FBRS: variants seen among roughly 807,000 people sequenced by gnomAD.
FBRS encodes probable fibrosin-1.
FBRS carries 15 observed loss-of-function variants against 86.1 expected under a neutral mutation model. The ratio of observed to expected loss-of-function variants is 0.17; its 90% CI spans 0.12 to 0.27. The LOEUF (loss-of-function observed/expected upper bound fraction) is 0.27, where lower values mean the gene tolerates loss of function less well. FBRS is among the 10% of genes least tolerant of loss of function. FBRS has a pLI of 1.00. For missense variants in FBRS, 1,367 were observed against 1,301.6 expected (o/e 1.05, Z -0.77); for synonymous variants, 666 against 575.8 (o/e 1.16, Z -2.24).
At chr16:30,660,490 C>T (rs1177146633) in intron 2 of FBRS, 48 bp downstream of exon 2, 11 of 1,255,764 alleles carry the variant, frequency 8.8e-6, no homozygotes, top group Non-Finnish European at 1.1e-5. Flanking sequence ...TTTCCCACAG[C>T]CCCGTTTTTC....
chr16:30,665,323 T>C lies in FBRS; in HGVS notation c.1626T>C (p.Pro542=). 2 of 1,563,282 alleles carry C rather than the reference T, an allele frequency of 1.3e-6. No individual in the cohort carries two copies. The highest frequency in any genetic ancestry group is 1.7e-6 in the Non-Finnish European group (2 of 1,154,752). The change falls in exon 10 of 18, where the codon CCT becomes CCC. Residue 542 remains proline, a synonymous_variant. Transcript: ENST00000356166. This position sits in a 1 kb window ranked among gnomAD's most constrained non-coding sequence, Gnocchi z 4.1. ...LFRHNPYTAF[P]PAVPGLPPGL... ...CTCCACAGCCGTACACGGCCTTCCCTCCCGCAGTGCCCGGGCTGCCTCCGG... is the reference window on the plus strand; with the variant it reads ...CTCCACAGCCGTACACGGCCTTCCCCCCCGCAGTGCCCGGGCTGCCTCCGG...
Position 30,668,384 on chromosome 16 carries a change from A to G in FBRS, c.2075-176A>G. The G allele has an allele frequency of 1.3e-5, 8 of 605,820 alleles. No homozygotes were observed. The South Asian group carries it at 1.7e-4, about 13-fold the overall frequency. The allele number at this position is 605,820 out of a possible 1,614,324, so 37.5% of individuals were successfully genotyped here. ...CTTGGGCTTTTTGTGAGGTTAACCGACAGGGTGCTTGTCAAAGCTCAACAC... is the reference window on the plus strand; with the variant it reads ...CTTGGGCTTTTTGTGAGGTTAACCGGCAGGGTGCTTGTCAAAGCTCAACAC... On this transcript the variant is annotated intron_variant, in intron 15 of 17. Coordinates refer to ENST00000356166, the MANE Select transcript of FBRS (RefSeq NM_001105079.3).
Position 30,659,605 on chromosome 16 carries a change from AGACCGG to A in FBRS, c.90_95del (p.Asp30_Arg31del). 2.7e-6 allele frequency: 1 copy of A among 373,718 alleles called. No homozygotes were observed. The allele number at this position is 373,718 out of a possible 1,614,324, so 23.2% of individuals were successfully genotyped here. Reference sequence around the variant, plus strand: ...GGCGGCGCTGCTCGCGCCGAGACCGAGACCGGGAGCAGCGGCGCCGCCGAGGTCCAG... The same window carrying A: ...GGCGGCGCTGCTCGCGCCGAGACCGAGAGCAGCGGCGCCGCCGAGGTCCAG... On this transcript the variant is annotated inframe_deletion, in exon 1 of 18. Coordinates refer to ENST00000356166, the MANE Select transcript of FBRS (RefSeq NM_001105079.3).
chr16:30,668,423 G>C (rs1464778452), intron 15 of FBRS, 137 bp from the exon 16 acceptor site: 1 of 729,130 alleles, frequency 1.4e-6, no homozygotes, highest in East Asian at 2.5e-5. Flanking sequence ...CCTGGCCCAA[G>C]GAAGTGCTCA....
chr16:30,663,021 C>A, intron 6 of FBRS, 162 bp downstream of exon 6: 1 of 1,214,954 alleles, frequency 8.2e-7, no homozygotes, highest in Non-Finnish European at 1.0e-6. Context: ...TTATTTGAGT[C>A]CGTTACACAT....
chr16:30,660,069 T>C, intron 1 of FBRS, 92 bp downstream of exon 1: 1 of 1,475,540 alleles, frequency 6.8e-7, no homozygotes, highest in Non-Finnish European at 9.0e-7. Flanking sequence ...GAGGGGGGAA[T>C]GCTGGCACCC....
intron 6 of FBRS, 115 bp from the exon 7 acceptor site, chr16:30,664,100 C>A: frequency 1.6e-6 from 2 of 1,220,368 alleles, no homozygotes; most frequent in Non-Finnish European, 2.1e-6. Flanking sequence ...GGGCTGGGTT[C>A]TGCCACCTCC....
chr16:30,666,043 G>C (rs777147401), intron 11 of FBRS: 2 of 403,374 alleles, frequency 5.0e-6, no homozygotes, highest in Non-Finnish European at 8.9e-6. Flanking sequence ...CCTTGGTGAA[G>C]TGAGGAGAGC....
Position 30,669,077 on chromosome 16 carries a change from C to T in FBRS, c.2375C>T (p.Pro792Leu), listed in dbSNP as rs1484794515. 16 of 1,601,168 alleles carry T rather than the reference C, an allele frequency of 1.0e-5. No homozygotes were observed. The highest frequency in any genetic ancestry group is 2.7e-5 in the African/African-American group (2 of 74,476). Residue 792 changes from proline (P) to leucine (L), a missense_variant, in exon 18 of 18, where the codon CCC becomes CTC. Pro to Leu is a moderately conservative substitution (Grantham distance 98). Coordinates refer to ENST00000356166, the MANE Select transcript of FBRS (RefSeq NM_001105079.3). This position sits in a 1 kb window ranked among gnomAD's most constrained non-coding sequence, Gnocchi z 5.9. Reference sequence around the variant, plus strand: ...CCACGCCTGCCCTCCAGGGACCTCCCCTTCTCACGGCCCCAGCTCCGAGTT... The same window carrying T: ...CCACGCCTGCCCTCCAGGGACCTCCTCTTCTCACGGCCCCAGCTCCGAGTT... Reference protein sequence around the residue: ...ITKEEKDRDLPFSRPQLRVSP... With the variant: ...ITKEEKDRDLLFSRPQLRVSP...
chr16:30,668,747 A>G (rs769820389), intron 16 of FBRS, 25 bp from the exon 17 acceptor site: 22 of 1,589,580 alleles, frequency 1.4e-5, no homozygotes, highest in Non-Finnish European at 1.7e-5. Flanking sequence ...GGCCCCTGTC[A>G]CTCTCTGCTT....
At chr16:30,668,270 T>A (rs1567547481) in intron 15 of FBRS, 1 of 421,584 alleles carries the variant, frequency 2.4e-6, no homozygotes, top group East Asian at 3.7e-5. Context: ...TTGGTACCGC[T>A]CCCTGGCTAG....
intron 15 of FBRS, chr16:30,668,359 C>T (rs1019025209): frequency 5.3e-6 from 3 of 570,114 alleles, no homozygotes; most frequent in Non-Finnish European, 9.5e-6. Context: ...CTAACCACCT[C>T]TTGGGCTTTT....
intron 8 of FBRS, 45 bp downstream of exon 8, chr16:30,664,965 G>A: frequency 1.2e-6 from 2 of 1,609,334 alleles, no homozygotes; most frequent in Non-Finnish European, 8.5e-7. Context: ...AGGCCTCTGG[G>A]GAGGGCATGG....
At position 30,664,399 on chromosome 16, in the gene FBRS, C is replaced by CG; in HGVS notation, c.1240_1241insG (p.Pro414ArgfsTer36). 5.2e-5 allele frequency: 42 copies of CG among 813,226 alleles called. No individual in the cohort carries two copies. The highest frequency in any genetic ancestry group is 6.2e-5 in the Non-Finnish European group (33 of 535,922). 50.4% of individuals were successfully genotyped at this position (813,226 alleles called of 1,614,324 possible). On this transcript the variant is annotated frameshift_variant, in exon 7 of 18. Transcript: ENST00000356166. LOFTEE classifies it high-confidence loss of function. ...CAGCTTTCCCCCTCCCGGGCTGCGG[C>CG]CCCCCCCACCACCCCACCACCCCTC...
At chr16:30,660,033 G>A (rs1277175637) in intron 1 of FBRS, 56 bp downstream of exon 1, 8 of 1,531,854 alleles carry the variant, frequency 5.2e-6, no homozygotes, top group Middle Eastern at 3.7e-4. Context: ...AGCAAGGAGG[G>A]GGCAGTGCCC....
chr16:30,669,195 T>TGCCGCCGCC lies in FBRS; in HGVS notation c.2496_2504dup (p.Ala847_Ala849dup). 1 of 1,545,694 alleles carries TGCCGCCGCC rather than the reference T, an allele frequency of 6.5e-7. No individual in the cohort carries two copies. The highest frequency in any genetic ancestry group is 1.2e-5 in the South Asian group (1 of 84,010). The stretch of plus-strand genomic sequence containing the variant: ...TAAAGGAAGAGCGGAAGGAGGAGGC[T>TGCCGCCGCC]GCCGCCGCCGCTGCCGCTGCTGCTG... On this transcript the variant is annotated inframe_insertion, in exon 18 of 18. Transcript: ENST00000356166. This position sits in a 1 kb window ranked among gnomAD's most constrained non-coding sequence, Gnocchi z 5.9.
In FBRS at chr16:30,665,866, C is replaced by A; in HGVS notation, c.1773+160C>A. ...GGAATTTCTGTAAATAGCTGGCTTT[C>A]CCAGGCATGAGGAATGAGAGTTTCA... On this transcript the variant is annotated intron_variant, in intron 11 of 17. Coordinates refer to ENST00000356166, the MANE Select transcript of FBRS (RefSeq NM_001105079.3). This position sits in a 1 kb window ranked among gnomAD's most constrained non-coding sequence, Gnocchi z 4.1. 1.6e-6 allele frequency: 1 copy of A among 632,908 alleles called. No homozygotes were observed. The highest frequency in any genetic ancestry group is 2.7e-6 in the Non-Finnish European group (1 of 369,116). The allele number at this position is 632,908 out of a possible 1,614,324, so 39.2% of individuals were successfully genotyped here. A position where few individuals can be genotyped will look rare whatever the true frequency, so the allele number is the denominator to read the frequency against.
At chr16:30,666,588 T>G in intron 12 of FBRS, 47 bp downstream of exon 12, 1 of 1,613,696 alleles carries the variant, frequency 6.2e-7, no homozygotes, top group Non-Finnish European at 8.5e-7. Flanking sequence ...GGGGCTGGTG[T>G]TAGCATGTTT....
At chr16:30,667,273 C>A in intron 13 of FBRS, 47 bp from the exon 14 acceptor site, 1 of 1,404,610 alleles carries the variant, frequency 7.1e-7, no homozygotes, top group Non-Finnish European at 9.7e-7. Context: ...AAGAGGGGGA[C>A]CAGACTGGCT....
Sources: gnomAD v4.1 joint callset for allele counts on GRCh38, gnomAD v4.1.1 for gene constraint, Gnocchi (gnomAD v3.1) non-coding constraint, MANE v1.5 for transcripts, NCBI Gene and HGNC (gene_info 2026-07-23, HGNC 2026-07-21) for gene names.